The following KHDRBS3 variants were observed in gnomAD, a reference collection of about 807,000 sequenced individuals.
KHDRBS3 encodes the protein KH RNA binding domain containing, signal transduction associated 3, also known as KH domain-containing, RNA-binding, signal transduction-associated protein 3.
In KHDRBS3, 23 loss-of-function variants were observed where a neutral mutation model predicts 45.6. The observed-to-expected ratio is 0.50, with a 90% confidence interval of 0.36 to 0.72. The LOEUF (loss-of-function observed/expected upper bound fraction) is 0.72. KHDRBS3 is among the 30% of genes least tolerant of loss of function. The pLI is 0.00. For synonymous variants in KHDRBS3, 162 were observed against 156.5 expected, an observed-to-expected ratio of 1.04 and a Z score of -0.26; for missense variants, 352 against 424.8, an observed-to-expected ratio of 0.83 and a Z score of 1.51.
At chr8:135,616,715 G>A (rs921432046) in intron 7 of KHDRBS3, among the ~76,000 whole-genome samples, 1 of 152,036 alleles carries the variant, frequency 6.6e-6, no homozygotes, top group Non-Finnish European at 1.5e-5. Flanking sequence ...TATGTGACAG[G>A]GTTTCTAAAA....
intron 7 of KHDRBS3, among the ~76,000 whole-genome samples, chr8:135,628,483 A>G (rs138339819): frequency 6.6e-6 from 1 of 152,370 alleles, no homozygotes; most frequent in Admixed American, 6.5e-5. Context: ...AATTTATGAA[A>G]TAGACATAAG....
downstream of KHDRBS3, among the ~76,000 whole-genome samples, chr8:135,650,004 A>G (rs1428239817): frequency 6.6e-6 from 1 of 152,100 alleles, no homozygotes; most frequent in Non-Finnish European, 1.5e-5. Flanking sequence ...AGACCCTGCT[A>G]TAGATAAGCC....
chr8:135,553,054 A>G (rs1349888439), intron 4 of KHDRBS3, among the ~76,000 whole-genome samples: 3 of 152,170 alleles, frequency 2.0e-5, no homozygotes, highest in Non-Finnish European at 2.9e-5. Flanking sequence ...CTGTCCATGC[A>G]TATAGCCTTC....
chr8:135,649,900 A>G (rs1271996744), downstream of KHDRBS3, among the ~76,000 whole-genome samples: 1 of 152,168 alleles, frequency 6.6e-6, no homozygotes, highest in East Asian at 1.9e-4. Context: ...GGCCCAGATC[A>G]CTATCCGACA....
intron 6 of KHDRBS3, among the ~76,000 whole-genome samples, chr8:135,596,964 A>G (rs1400138799): frequency 1.3e-5 from 2 of 152,200 alleles, no homozygotes; most frequent in Non-Finnish European, 2.9e-5. Context: ...CTCCCAGCTC[A>G]CTTCACTTTT....
At chr8:135,532,527 TCTA>T (rs910959800) in intron 2 of KHDRBS3, among the ~76,000 whole-genome samples, 6 of 152,196 alleles carry the variant, frequency 3.9e-5, no homozygotes, top group African/African-American at 1.4e-4. Context: ...CAGTAGAACT[TCTA>T]TTTATGTGTA....
intron 1 of KHDRBS3, among the ~76,000 whole-genome samples, chr8:135,517,426 A>G (rs1824668130): frequency 6.6e-6 from 1 of 152,186 alleles, no homozygotes; most frequent in Non-Finnish European, 1.5e-5. Context: ...TGAGAGCGGT[A>G]GTAGCAGGGG....
intron 5 of KHDRBS3, among the ~76,000 whole-genome samples, chr8:135,570,029 T>A (rs1391937216): frequency 6.6e-6 from 1 of 152,238 alleles, no homozygotes; most frequent in Non-Finnish European, 1.5e-5. Context: ...GTGATTCTTA[T>A]AAGGCAGCCT....
intron 6 of KHDRBS3, among the ~76,000 whole-genome samples, chr8:135,584,763 C>T (rs780288693): frequency 2.0e-5 from 3 of 152,136 alleles, no homozygotes; most frequent in Non-Finnish European, 4.4e-5. Context: ...CCTCCACTGA[C>T]CCAGTTTTCT....
intron 1 of KHDRBS3, among the ~76,000 whole-genome samples, chr8:135,512,188 T>C (rs1480455202): frequency 1.3e-5 from 2 of 152,226 alleles, no homozygotes; most frequent in Non-Finnish European, 2.9e-5. Context: ...AAAATTCCTT[T>C]TCAGATTAGC....
At chr8:135,487,974 AAATTTT>A (rs34847360) in intron 1 of KHDRBS3, among the ~76,000 whole-genome samples, 5,760 of 152,284 alleles carry the variant, frequency 0.038, 353 homozygotes, top group African/African-American at 0.13. Context: ...TCATTGTTAA[AAATTTT>A]AATTTTAATG....
intron 1 of KHDRBS3, among the ~76,000 whole-genome samples, chr8:135,509,346 TTATTAGGTG>T (rs1165392622): frequency 6.6e-6 from 1 of 152,174 alleles, no homozygotes. Context: ...GTTCTGCCAT[TTATTAGGTG>T]TGGGAAAAAG....
chr8:135,564,646 T>G (rs1489789723), intron 5 of KHDRBS3, among the ~76,000 whole-genome samples: 2 of 152,230 alleles, frequency 1.3e-5, no homozygotes, highest in African/African-American at 4.8e-5. Context: ...ATTATTTTTT[T>G]GTCTGTTTTC....
At chr8:135,522,322 A>G (rs1824956082) in intron 2 of KHDRBS3, among the ~76,000 whole-genome samples, 2 of 152,162 alleles carry the variant, frequency 1.3e-5, no homozygotes, top group Admixed American at 1.3e-4. Flanking sequence ...GTGTATATGT[A>G]CCACATTTTC....
At chr8:135,622,046 A>G (rs1293225768) in intron 7 of KHDRBS3, among the ~76,000 whole-genome samples, 3 of 151,980 alleles carry the variant, frequency 2.0e-5, no homozygotes, top group Admixed American at 6.6e-5. Flanking sequence ...ATGTCTCCCT[A>G]CTGCAGCCCA....
chr8:135,496,020 G>A (rs1432019934), intron 1 of KHDRBS3, among the ~76,000 whole-genome samples: 1 of 151,432 alleles, frequency 6.6e-6, no homozygotes, highest in Non-Finnish European at 1.5e-5. Flanking sequence ...CCCTTCTAGG[G>A]AAGTAAAAGT....
intron 2 of KHDRBS3, among the ~76,000 whole-genome samples, chr8:135,529,664 A>T (rs1354494818): frequency 6.6e-6 from 1 of 152,208 alleles, no homozygotes; most frequent in East Asian, 1.9e-4. Flanking sequence ...TAAAAATTTG[A>T]TTATAATCCT....
chr8:135,622,825 G>A lies in KHDRBS3; in HGVS notation c.890+15788G>A, dbSNP rs567235282. 2.0e-5 allele frequency among the ~76,000 whole-genome samples: 3 copies of A among 152,234 alleles called. No homozygotes were observed. The East Asian group carries it at 5.8e-4, about 29-fold the overall frequency. ...GACACCCAGTGTAGTTGGACTTGGG[G>A]AATCAAAAACAGAAATACAAAAAAA... On this transcript the variant is annotated intron_variant, in intron 7 of 8. Transcript: ENST00000355849.
intron 1 of KHDRBS3, among the ~76,000 whole-genome samples, chr8:135,513,076 T>C (rs1233157036): frequency 6.6e-6 from 1 of 152,056 alleles, no homozygotes; most frequent in Admixed American, 6.6e-5. Flanking sequence ...GGCAGGCACC[T>C]GTAGTCCCAG....
Sources: allele counts gnomAD v4.1 joint callset (sites outside exome capture counted in the v4.1 genomes callset), GRCh38; gene constraint gnomAD v4.1.1; transcripts MANE v1.5; gene names NCBI Gene and HGNC (gene_info 2026-07-23, HGNC 2026-07-21).